CPNE8: variants seen among roughly 807,000 people sequenced by gnomAD.
CPNE8 encodes the protein copine 8.
In CPNE8, 45 loss-of-function variants were observed where a neutral mutation model predicts 81.5. The observed-to-expected ratio is 0.55, with a 90% CI of 0.44 to 0.71. The LOEUF is 0.71. Ranked by LOEUF, CPNE8 falls within the 30% of genes least tolerant of loss-of-function variation. The pLI is 0.00. For synonymous variants in CPNE8, 252 were observed against 226.3 expected (o/e 1.11, Z -1.02); for missense variants, 594 against 672.1 (o/e 0.88, Z 1.28).
intron 8 of CPNE8, among the ~76,000 whole-genome samples, chr12:38,767,410 G>A (rs1941712470): frequency 6.6e-6 from 1 of 151,546 alleles, no homozygotes; most frequent in African/African-American, 2.4e-5. Context: ...CAAATAAAGA[G>A]GAAATATTTC....
upstream of CPNE8, chr12:38,906,024 G>A (rs1387863615): frequency 2.0e-6 from 2 of 988,838 alleles, no homozygotes; most frequent in South Asian, 4.6e-5. Flanking sequence ...TGTCAATCAG[G>A]TGTGGACGGG....
At chr12:38,657,808 A>G (rs149735666) in intron 19 of CPNE8, among the ~76,000 whole-genome samples, 1 of 152,192 alleles carries the variant, frequency 6.6e-6, no homozygotes, top group Non-Finnish European at 1.5e-5. Flanking sequence ...CAGCTGAGGG[A>G]CCTGTTAGAA....
intron 16 of CPNE8, among the ~76,000 whole-genome samples, chr12:38,679,393 G>A (rs375039757): frequency 5.3e-4 from 81 of 151,898 alleles, no homozygotes; most frequent in African/African-American, 1.8e-3. Context: ...AGTAAACTTG[G>A]AATTTCGCTG....
intron 6 of CPNE8, among the ~76,000 whole-genome samples, chr12:38,785,358 A>T (rs923299788): frequency 9.0e-5 from 12 of 132,678 alleles, no homozygotes; most frequent in East Asian, 6.1e-4. Context: ...ATTAACCAAT[A>T]AAAAAAAAAA....
chr12:38,685,348 C>T, intron 16 of CPNE8, 142 bp downstream of exon 16: 1 of 788,964 alleles, frequency 1.3e-6, no homozygotes, highest in African/African-American at 1.8e-5. Context: ...GAGACTCTTT[C>T]TAACATACAT....
intron 6 of CPNE8, among the ~76,000 whole-genome samples, chr12:38,793,128 G>A (rs1246890654): frequency 6.6e-6 from 1 of 151,772 alleles, no homozygotes; most frequent in Non-Finnish European, 1.5e-5. Flanking sequence ...GTAGTCAATG[G>A]TGAAAGACTG....
intron 19 of CPNE8, among the ~76,000 whole-genome samples, chr12:38,657,636 A>T (rs1215218482): frequency 1.3e-5 from 2 of 152,150 alleles, no homozygotes; most frequent in Non-Finnish European, 2.9e-5. Flanking sequence ...GGGCCGATAG[A>T]CACCTCATAC....
At chr12:38,899,500 T>C (rs1202825353) in intron 1 of CPNE8, among the ~76,000 whole-genome samples, 2 of 152,120 alleles carry the variant, frequency 1.3e-5, no homozygotes, top group Non-Finnish European at 2.9e-5. Context: ...TCTGGTACTT[T>C]ATTATAATAG....
chr12:38,820,214 C>T (rs777118956), intron 6 of CPNE8, among the ~76,000 whole-genome samples: 39 of 151,686 alleles, frequency 2.6e-4, no homozygotes, highest in Admixed American at 6.6e-4. Flanking sequence ...AGATCAGCCT[C>T]GCCAACATGG....
chr12:38,845,805 T>G lies in CPNE8; in HGVS notation c.290+2754A>C, dbSNP rs531817312. Reference sequence around the variant, plus strand: ...AGCAAAGACACTACATGAACTAAGATGATGGACTTGTTACTCCTCTTGATG... The same window carrying G: ...AGCAAAGACACTACATGAACTAAGAGGATGGACTTGTTACTCCTCTTGATG... On this transcript the variant is annotated intron_variant, in intron 4 of 19. Coordinates refer to ENST00000331366, the MANE Select transcript of CPNE8 (RefSeq NM_153634.3). Among the ~76,000 whole-genome samples the G allele has an allele frequency of 2.0e-4, 30 of 152,292 alleles. No individual in the cohort carries two copies. In the South Asian group the frequency reaches 6.2e-3, roughly 32 times the overall value.
At chr12:38,892,480 G>A (rs1273616271) in intron 1 of CPNE8, among the ~76,000 whole-genome samples, 2 of 152,170 alleles carry the variant, frequency 1.3e-5, no homozygotes, top group African/African-American at 2.4e-5. Flanking sequence ...ATGGAAAGGA[G>A]GTGACCGACA....
At chr12:38,782,347 T>C (rs1204208460) in intron 6 of CPNE8, among the ~76,000 whole-genome samples, 3 of 152,134 alleles carry the variant, frequency 2.0e-5, no homozygotes, top group South Asian at 2.1e-4. Flanking sequence ...AAGAGGAAAA[T>C]ATACCTATAA....
At chr12:38,696,639 C>T (rs1174690323) in intron 14 of CPNE8, among the ~76,000 whole-genome samples, 1 of 152,190 alleles carries the variant, frequency 6.6e-6, no homozygotes, top group Non-Finnish European at 1.5e-5. Context: ...AAAATTATAT[C>T]TGATTTTGCT....
chr12:38,808,794 G>A (rs1942876261), intron 6 of CPNE8, among the ~76,000 whole-genome samples: 1 of 151,474 alleles, frequency 6.6e-6, no homozygotes, highest in Non-Finnish European at 1.5e-5. Context: ...ATAAAAAAAT[G>A]CTTAAAAACC....
chr12:38,795,118 T>C (rs1942426728), intron 6 of CPNE8, among the ~76,000 whole-genome samples: 2 of 152,210 alleles, frequency 1.3e-5, no homozygotes, highest in Non-Finnish European at 2.9e-5. Flanking sequence ...GCCTGCATTG[T>C]TGGCTTCCCT....
rs1475944850 is a variant in CPNE8, at chr12:38,653,853, G to C, written c.*29C>G. 6.2e-7 allele frequency: 1 copy of C among 1,602,604 alleles called. No homozygotes were observed. Among genetic ancestry groups the C allele is most frequent in the African/African-American group, 1.3e-5 (1 of 74,340 alleles). On this transcript the variant is annotated 3_prime_UTR_variant, in exon 20 of 20. Coordinates refer to ENST00000331366, the MANE Select transcript of CPNE8 (RefSeq NM_153634.3). ...AGCATTAACTCAGCACTTTTGATTT[G>C]TAGTTGACATTAGCATTTCAGAGCA...
chr12:38,845,796 G>T (rs1324992261), intron 4 of CPNE8, among the ~76,000 whole-genome samples: 1 of 152,108 alleles, frequency 6.6e-6, no homozygotes, highest in Non-Finnish European at 1.5e-5. Flanking sequence ...GACACTACAT[G>T]AACTAAGATG....
At chr12:38,853,572 G>T (rs991019789) in intron 3 of CPNE8, among the ~76,000 whole-genome samples, 9 of 149,816 alleles carry the variant, frequency 6.0e-5, no homozygotes, top group Admixed American at 2.0e-4. Flanking sequence ...TCAGTTATTT[G>T]AAAAAAAAAG....
At chr12:38,760,746 T>C (rs1050581426) in intron 10 of CPNE8, 101 bp downstream of exon 10, 4 of 913,804 alleles carry the variant, frequency 4.4e-6, no homozygotes, top group Non-Finnish European at 7.0e-6. Context: ...ACAAAACAAA[T>C]ATGCCATCTA....
Sources: gnomAD v4.1 joint callset for allele counts (sites outside exome capture counted in the v4.1 genomes callset) on GRCh38, gnomAD v4.1.1 for gene constraint, MANE v1.5 for transcripts, NCBI Gene and HGNC (gene_info 2026-07-23, HGNC 2026-07-21) for gene names.